Variants in NLGN4X observed in about 807,000 individuals in gnomAD.
NLGN4X encodes neuroligin-4, X-linked.
In NLGN4X, 3 loss-of-function variants were observed where a neutral mutation model predicts 40.3. The ratio of observed to expected loss-of-function variants is 0.07; its 90% CI spans 0.03 to 0.19. The LOEUF is 0.19. Among genes scored for constraint, NLGN4X ranks in the 10% least tolerant of loss-of-function variants. NLGN4X has a pLI of 1.00. For synonymous variants in NLGN4X, 270 were observed against 306.8 expected (o/e 0.88, Z 1.25); for missense variants, 382 against 708.3 (o/e 0.54, Z 5.23).
At chrX:6,112,734 C>A (rs1231804320) in intron 2 of NLGN4X, among the ~76,000 whole-genome samples, 1 of 109,562 alleles carries the variant, frequency 9.1e-6, no homozygotes, top group Non-Finnish European at 1.9e-5. Context: ...CAGGTGTGAG[C>A]CACCACACCC....
chrX:5,893,021 G>A lies in NLGN4X; in HGVS notation c.2247C>T (p.His749=), dbSNP rs777673585. ...HDHECESLQA[H]DTLRLTCPPD... Reference sequence around the variant, plus strand: ...GCGGGCAGGTGAGCCTCAGTGTGTCGTGTGCCTGCAGCGACTCACACTCGT... The same window carrying A: ...GCGGGCAGGTGAGCCTCAGTGTGTCATGTGCCTGCAGCGACTCACACTCGT... Residue 749 remains histidine, a synonymous_variant, in exon 6 of 6, where the codon CAC becomes CAT. Coordinates refer to ENST00000381095, the MANE Select transcript of NLGN4X (RefSeq NM_181332.3). The A allele has an allele frequency of 1.2e-5, 15 of 1,209,110 alleles. No homozygotes were observed. The highest frequency in any genetic ancestry group is 3.5e-5 in the South Asian group (2 of 56,671).
At chrX:6,160,877 AT>A (rs2040371784) in intron 1 of NLGN4X, among the ~76,000 whole-genome samples, 2 of 96,810 alleles carry the variant, frequency 2.1e-5, no homozygotes, top group Non-Finnish European at 4.2e-5. Flanking sequence ...CCTGCTATAT[AT>A]AGAGAGAGAA....
chrX:6,056,241 C>A (rs1364530556), intron 2 of NLGN4X, among the ~76,000 whole-genome samples: 1 of 111,486 alleles, frequency 9.0e-6, no homozygotes, highest in African/African-American at 3.3e-5. Context: ...TTTGGGAGGC[C>A]AAGGTGTGTG....
At chrX:5,942,573 C>G (rs995704149) in intron 3 of NLGN4X, among the ~76,000 whole-genome samples, 1 of 109,710 alleles carries the variant, frequency 9.1e-6, no homozygotes, top group Non-Finnish European at 1.9e-5. Context: ...CTCAGCTACT[C>G]GGGAAGCTGA....
At chrX:5,983,343 CA>C (rs2035444235) in intron 3 of NLGN4X, among the ~76,000 whole-genome samples, 1 of 112,016 alleles carries the variant, frequency 8.9e-6, no homozygotes. Context: ...AAGTCACCAA[CA>C]AGAGCCAGCA....
intron 1 of NLGN4X, chrX:6,227,814 C>G (rs2290488): frequency 0.3 from 32,880 of 109,188 alleles, 3,992 homozygotes; most frequent in Non-Finnish European, 0.37. Context: ...ATCCGAGGCC[C>G]GGAGATGAAG....
At chrX:6,049,392 T>G (rs2037419450) in intron 2 of NLGN4X, among the ~76,000 whole-genome samples, 1 of 106,088 alleles carries the variant, frequency 9.4e-6, no homozygotes, top group South Asian at 4.6e-4. Context: ...AGCATTCTTG[T>G]CATTGAGAAG....
intron 1 of NLGN4X, among the ~76,000 whole-genome samples, chrX:6,162,151 A>C (rs1569274451): frequency 8.9e-6 from 1 of 111,863 alleles, no homozygotes; most frequent in Non-Finnish European, 1.9e-5. Context: ...ACACCTACTC[A>C]TGTGTGTATT....
Position 5,891,634 on chromosome X carries a change from G to A in NLGN4X, c.*1183C>T. 1 of 240,546 alleles carries A rather than the reference G, an allele frequency of 4.2e-6. No individual in the cohort carries two copies. Among genetic ancestry groups the A allele is most frequent in the South Asian group, 4.8e-5 (1 of 20,791 alleles). The allele number at this position is 240,546 out of a possible 1,213,427, so 19.8% of individuals were successfully genotyped here. Reference sequence around the variant, plus strand: ...TTTTGGCAGGGCCCTGAAATGGGAAGCAACTCTTCCTAAACATATTCAAAG... The same window carrying A: ...TTTTGGCAGGGCCCTGAAATGGGAAACAACTCTTCCTAAACATATTCAAAG... On this transcript the variant is annotated 3_prime_UTR_variant, in exon 6 of 6. Transcript: ENST00000381095.
At chrX:6,052,814 A>G (rs1003079122) in intron 2 of NLGN4X, among the ~76,000 whole-genome samples, 15 of 112,833 alleles carry the variant, frequency 1.3e-4, no homozygotes, top group African/African-American at 4.2e-4. Flanking sequence ...ATTTCTGCAC[A>G]TATCAGTAGA....
In NLGN4X at chrX:6,002,128, A is replaced by G. The variant is rs759873744; in HGVS notation, c.625+27152T>C. The stretch of plus-strand genomic sequence containing the variant: ...AAGACACGTGAGGTCGAGGCATGGA[A>G]AAATACTGAGGCACTGTGTGCATGT... On this transcript the variant is annotated intron_variant, in intron 3 of 5. Transcript: ENST00000381095. Among the ~76,000 whole-genome samples the G allele has an allele frequency of 8.1e-5, 9 of 111,668 alleles. No individual in the cohort carries two copies. The South Asian group carries it at 3.5e-3, about 43-fold the overall frequency.
intron 3 of NLGN4X, among the ~76,000 whole-genome samples, chrX:5,993,193 T>C (rs985980570): frequency 3.6e-5 from 4 of 111,134 alleles, no homozygotes; most frequent in South Asian, 7.7e-4. Flanking sequence ...CTTGGACTTA[T>C]ATCCATTAGA....
chrX:6,160,510 A>T lies in NLGN4X; in HGVS notation c.-305-8739T>A, dbSNP rs186319548. Among the ~76,000 whole-genome samples, 1,020 of 105,451 alleles carry T rather than the reference A, an allele frequency of 9.7e-3. 8 individuals carry two copies. Among genetic ancestry groups the T allele is most frequent in the African/African-American group, 0.034 (980 of 28,517 alleles). The allele number at this position is 105,451 out of a possible 115,157, so 91.6% of individuals were successfully genotyped here. ...AAGAGTTTGTACTTTAACTTATCAT[A>T]TATGAAATTATATCTATAAAATAAT... On this transcript the variant is annotated intron_variant, in intron 1 of 5. Transcript: ENST00000381095.
chrX:5,965,703 G>T (rs994705148), intron 3 of NLGN4X, among the ~76,000 whole-genome samples: 7 of 111,722 alleles, frequency 6.3e-5, no homozygotes, highest in Non-Finnish European at 1.3e-4. Context: ...TATTCTCATT[G>T]GATAAGAGAT....
intron 5 of NLGN4X, among the ~76,000 whole-genome samples, chrX:5,898,302 TCCTC>T (rs1285642638): frequency 7.7e-5 from 7 of 90,964 alleles, no homozygotes; most frequent in African/African-American, 1.7e-4. Context: ...CCTTTTCTTT[TCCTC>T]CCTCCCTCCC....
chrX:6,079,453 C>T (rs1164263812), intron 2 of NLGN4X, among the ~76,000 whole-genome samples: 2 of 112,530 alleles, frequency 1.8e-5, no homozygotes, highest in Non-Finnish European at 3.8e-5. Flanking sequence ...CTAAACTCCT[C>T]ATTTAATCTA....
At chrX:5,904,380 G>A (rs913310355) in intron 4 of NLGN4X, among the ~76,000 whole-genome samples, 41 of 112,040 alleles carry the variant, frequency 3.7e-4, no homozygotes, top group Non-Finnish European at 5.6e-4. Context: ...ATTCAGGAGC[G>A]CATTTCTACT....
At chrX:6,083,159 C>T (rs568874307) in intron 2 of NLGN4X, among the ~76,000 whole-genome samples, 7 of 98,112 alleles carry the variant, frequency 7.1e-5, no homozygotes, top group African/African-American at 1.5e-4. Context: ...GGGGTTTCAC[C>T]GTGTTAGCCA....
chrX:6,082,469 A>G (rs1026953246), intron 2 of NLGN4X, among the ~76,000 whole-genome samples: 1 of 110,807 alleles, frequency 9.0e-6, no homozygotes, highest in African/African-American at 3.3e-5. Context: ...TGAGCCCAGG[A>G]GGTCGAGGTT....
Sources: allele counts gnomAD v4.1 joint callset (sites outside exome capture counted in the v4.1 genomes callset), GRCh38; gene constraint gnomAD v4.1.1; transcripts MANE v1.5; gene names NCBI Gene and HGNC (gene_info 2026-07-23, HGNC 2026-07-21).